The following SDK1 variants were observed in gnomAD, a reference collection of about 807,000 sequenced individuals.
SDK1 encodes the protein protein sidekick-1.
In SDK1, 157 loss-of-function variants were observed where a neutral mutation model predicts 245.5. The observed-to-expected ratio is 0.64, with a 90% confidence interval of 0.56 to 0.73. The LOEUF (loss-of-function observed/expected upper bound fraction) is 0.73, where lower values mean the gene tolerates loss of function less well. Ranked by LOEUF, SDK1 falls within the 30% of genes least tolerant of loss-of-function variation. The probability of loss-of-function intolerance (pLI) is 0.00; values close to 1 mark genes in which losing one functional copy is unlikely to be tolerated. For missense variants in SDK1, 3,583 were observed against 3,002.3 expected, an observed-to-expected ratio of 1.19 and a Z score of -4.52; for synonymous variants, 1,647 against 1,278.5, an observed-to-expected ratio of 1.29 and a Z score of -6.15.
At chr7:3,707,864 G>A (rs566206788) in intron 4 of SDK1, among the ~76,000 whole-genome samples, 2 of 152,204 alleles carry the variant, frequency 1.3e-5, no homozygotes, top group Admixed American at 6.5e-5. Context: ...TGTGATATAA[G>A]AATAGCTACT....
At chr7:4,088,089 A>G (rs1421999684) in intron 22 of SDK1, among the ~76,000 whole-genome samples, 2 of 152,134 alleles carry the variant, frequency 1.3e-5, no homozygotes, top group Non-Finnish European at 1.5e-5. Flanking sequence ...GTGTTGGATT[A>G]CCTGCCGAGG....
rs1175670512 is a variant in SDK1, at chr7:4,266,305, C to G, written c.*921C>G. On this transcript the variant is annotated 3_prime_UTR_variant, in exon 45 of 45. Coordinates refer to ENST00000404826, the MANE Select transcript of SDK1 (RefSeq NM_152744.4). The stretch of plus-strand genomic sequence containing the variant: ...ACTATGTCACATGAAATGAATGCGT[C>G]TTTGCTGTCTCCAGGTGCCTTTTTA... 1.0e-6 allele frequency: 1 copy of G among 985,410 alleles called. No homozygotes were observed. Among genetic ancestry groups the G allele is most frequent in the Middle Eastern group, 5.2e-4 (1 of 1,914 alleles). The allele number at this position is 985,410 out of a possible 1,614,324, so 61.0% of individuals were successfully genotyped here. A position where few individuals can be genotyped will look rare whatever the true frequency, so the allele number is the denominator to read the frequency against.
At chr7:3,547,652 C>G (rs545749806) in intron 1 of SDK1, among the ~76,000 whole-genome samples, 1 of 152,330 alleles carries the variant, frequency 6.6e-6, no homozygotes, top group Admixed American at 6.5e-5. Context: ...TGATACTACC[C>G]TGGCCCTTCA....
At chr7:4,262,006 C>T (rs1788046761) in intron 44 of SDK1, among the ~76,000 whole-genome samples, 1 of 146,612 alleles carries the variant, frequency 6.8e-6, no homozygotes, top group Non-Finnish European at 1.5e-5. Context: ...CAATTTCACC[C>T]TCTGCTTTCT....
intron 5 of SDK1, among the ~76,000 whole-genome samples, chr7:3,822,645 G>A (rs1258622822): frequency 1.3e-5 from 2 of 152,022 alleles, no homozygotes; most frequent in East Asian, 3.9e-4. Flanking sequence ...GTATGCACCT[G>A]TAATTCCAGC....
At chr7:3,445,537 C>A (rs190954456) in intron 1 of SDK1, among the ~76,000 whole-genome samples, 2 of 152,244 alleles carry the variant, frequency 1.3e-5, no homozygotes, top group Admixed American at 1.3e-4. Context: ...TAAGGACTTG[C>A]AAAGATAGTA....
intron 1 of SDK1, among the ~76,000 whole-genome samples, chr7:3,544,287 CT>C (rs1230277944): frequency 6.6e-6 from 1 of 152,234 alleles, no homozygotes; most frequent in Non-Finnish European, 1.5e-5. Flanking sequence ...GACATTTTCC[CT>C]TTGCAAGTTA....
At chr7:3,353,666 G>A (rs992816825) in intron 1 of SDK1, among the ~76,000 whole-genome samples, 3 of 152,134 alleles carry the variant, frequency 2.0e-5, no homozygotes, top group African/African-American at 7.2e-5. Flanking sequence ...CTATTACAAG[G>A]GATGATATTT....
chr7:4,084,984 G>A lies in SDK1; in HGVS notation c.3324+5400G>A, dbSNP rs527867372. 2.2e-4 allele frequency among the ~76,000 whole-genome samples: 33 copies of A among 152,090 alleles called. 1 individual carries two copies. Among genetic ancestry groups the A allele is most frequent in the African/African-American group, 7.7e-4 (32 of 41,478 alleles). On this transcript the variant is annotated intron_variant, in intron 22 of 44. Transcript: ENST00000404826. ...CACCATGTTGGACCAGGCTGGTGTC[G>A]AACACCTTACCTCAAGTGATCCACC...
intron 4 of SDK1, among the ~76,000 whole-genome samples, chr7:3,661,090 C>T (rs528722924): frequency 9.2e-5 from 14 of 152,242 alleles, no homozygotes; most frequent in Admixed American, 2.6e-4. Flanking sequence ...ATTGAGAATC[C>T]GTTATTGCCT....
intron 5 of SDK1, among the ~76,000 whole-genome samples, chr7:3,871,933 T>C (rs1321672967): frequency 6.6e-6 from 1 of 152,252 alleles, no homozygotes; most frequent in Non-Finnish European, 1.5e-5. Flanking sequence ...TGATGTTAGC[T>C]ATATGTATTT....
chr7:4,205,831 G>T, intron 35 of SDK1, 48 bp from the exon 36 acceptor site: 2 of 1,456,310 alleles, frequency 1.4e-6, no homozygotes, highest in Non-Finnish European at 1.9e-6. Flanking sequence ...GGTCCGGGCC[G>T]GCTCTGAATG....
chr7:3,758,944 C>T (rs1207133674), intron 4 of SDK1, among the ~76,000 whole-genome samples: 1 of 152,160 alleles, frequency 6.6e-6, no homozygotes, highest in Non-Finnish European at 1.5e-5. Context: ...TGAGTCTAAT[C>T]CAGTACCATG....
chr7:4,260,649 T>G (rs1302749636), intron 44 of SDK1, among the ~76,000 whole-genome samples: 4 of 138,004 alleles, frequency 2.9e-5, no homozygotes, highest in Admixed American at 1.4e-4. Flanking sequence ...CCGGGGTCTC[T>G]GGGTGTGTGG....
intron 20 of SDK1, among the ~76,000 whole-genome samples, chr7:4,068,893 T>C (rs1361814630): frequency 1.3e-5 from 2 of 151,940 alleles, no homozygotes; most frequent in African/African-American, 2.4e-5. Context: ...GGCTAATTTT[T>C]GTATTTTTAG....
At chr7:3,655,316 C>G (rs1280024474) in intron 4 of SDK1, among the ~76,000 whole-genome samples, 1 of 150,582 alleles carries the variant, frequency 6.6e-6, no homozygotes, top group Non-Finnish European at 1.5e-5. Context: ...GCTTGTAATC[C>G]CAGCTACTCG....
At chr7:3,536,081 G>A (rs1206098665) in intron 1 of SDK1, among the ~76,000 whole-genome samples, 1 of 151,090 alleles carries the variant, frequency 6.6e-6, no homozygotes, top group Non-Finnish European at 1.5e-5. Context: ...TTCTTAGACG[G>A]AGTCTCACTC....
intron 14 of SDK1, among the ~76,000 whole-genome samples, chr7:3,991,650 C>T (rs951736034): frequency 3.9e-5 from 6 of 152,148 alleles, no homozygotes; most frequent in African/African-American, 1.2e-4. Context: ...TGAAGCTGGC[C>T]GACGTTCCCA....
intron 25 of SDK1, among the ~76,000 whole-genome samples, chr7:4,115,523 A>G (rs1407729115): frequency 6.6e-6 from 1 of 152,162 alleles, no homozygotes; most frequent in African/African-American, 2.4e-5. Flanking sequence ...CTCTGCGTTA[A>G]TGAGAATATT....
Sources: allele counts gnomAD v4.1 joint callset (sites outside exome capture counted in the v4.1 genomes callset), GRCh38; gene constraint gnomAD v4.1.1; transcripts MANE v1.5; gene names NCBI Gene and HGNC (gene_info 2026-07-23, HGNC 2026-07-21).